Variants in PHF20L1 observed in about 807,000 individuals in gnomAD.
PHF20L1 encodes PHD finger protein 20-like protein 1.
A neutral mutation model predicts 125.5 loss-of-function variants in PHF20L1; 44 were observed. The observed-to-expected ratio is 0.35, with a 90% CI of 0.28 to 0.45. PHF20L1 has a LOEUF of 0.45. Ranked by LOEUF, PHF20L1 falls within the 20% of genes least tolerant of loss-of-function variation. The pLI, the probability that PHF20L1 is intolerant of heterozygous loss-of-function variation, is 1.00. For synonymous variants in PHF20L1, 380 were observed against 403.1 expected (o/e 0.94, Z 0.69); for missense variants, 1,012 against 1,217.2 (o/e 0.83, Z 2.51).
chr8:132,803,835 T>G lies in PHF20L1; in HGVS notation c.524T>G (p.Val175Gly). 6.2e-7 allele frequency: 1 copy of G among 1,601,652 alleles called. No individual in the cohort carries two copies. Reference sequence around the variant, plus strand: ...CCTTTGGAGGATTGGATAGCTTTAGTCAAAGCAGCTGCTGCAGCTGCAGCC... The same window carrying G: ...CCTTTGGAGGATTGGATAGCTTTAGGCAAAGCAGCTGCTGCAGCTGCAGCC... The part of the protein sequence containing the change: ...SMGSEDWIAL[V>G]KAAAAAAAKN... Residue 175 changes from valine to glycine, a missense_variant, in exon 7 of 21, where the codon GTC becomes GGC. Val to Gly is a moderately radical substitution (Grantham distance 109). This residue lies in a region of PHF20L1 where 134 missense variants were observed against 145.9 expected (regional missense o/e 0.92). Transcript: ENST00000395386.
At chr8:132,809,922 C>T (rs989691114) in intron 8 of PHF20L1, 3 of 152,052 alleles carry the variant, frequency 2.0e-5, no homozygotes, top group Admixed American at 1.3e-4. Context: ...TAGACTTCAT[C>T]GAAGGTTACC....
At position 132,779,162 on chromosome 8, in the gene PHF20L1, G is replaced by A. The variant is rs528093468; in HGVS notation, c.83+1251G>A. ...CAGTTTGAAGCTACAATTTGAGATGGGGAGGTTAATCGATACTGTCACTAG... is the reference window on the plus strand; with the variant it reads ...CAGTTTGAAGCTACAATTTGAGATGAGGAGGTTAATCGATACTGTCACTAG... On this transcript the variant is annotated intron_variant, in intron 2 of 20. Transcript: ENST00000395386. Among the ~76,000 whole-genome samples, 7 of 152,268 alleles carry A rather than the reference G, an allele frequency of 4.6e-5. No individual in the cohort carries two copies. The East Asian group carries it at 1.2e-3, about 25-fold the overall frequency.
At chr8:132,825,168 T>C (rs757669742) in intron 13 of PHF20L1, 96 bp from the exon 14 acceptor site, 25 of 1,561,138 alleles carry the variant, frequency 1.6e-5, no homozygotes, top group East Asian at 7.1e-5. Flanking sequence ...GTGACTGGAA[T>C]AGCTGATTAA....
chr8:132,832,248 T>A lies in PHF20L1; in HGVS notation c.1758T>A (p.Tyr586Ter). Residue 586 changes from tyrosine to a stop codon, truncating the protein, a stop_gained, in exon 15 of 21, where the codon TAT becomes TAA. Transcript: ENST00000395386. LOFTEE classifies it high-confidence loss of function. ...CTTATGTTGCAGACTATTCAGACTA[T>A]GAAGACAGTTCCCTCGAATTTTTGG... is the stretch of plus-strand genomic sequence containing the variant. ...KKSKQHDYSDYEDSSLEFLER... is the reference protein window; with the variant it reads ...KKSKQHDYSD The A allele has an allele frequency of 6.3e-7, 1 of 1,588,224 alleles. No homozygotes were observed. The highest frequency in any genetic ancestry group is 8.6e-7 in the Non-Finnish European group (1 of 1,156,918).
At chr8:132,800,675 A>T (rs766029697) in intron 6 of PHF20L1, among the ~76,000 whole-genome samples, 1 of 151,764 alleles carries the variant, frequency 6.6e-6, no homozygotes, top group African/African-American at 2.4e-5. Context: ...ACTTTTGTAT[A>T]TGCAAACCTC....
At chr8:132,843,724 A>G (rs1318898728) in intron 19 of PHF20L1, 3 of 984,814 alleles carry the variant, frequency 3.0e-6, no homozygotes, top group Non-Finnish European at 3.6e-6. Context: ...AGTAAAGTCC[A>G]GTCTGTAGTT....
intron 19 of PHF20L1, 167 bp downstream of exon 19, chr8:132,843,042 G>T: frequency 7.4e-7 from 1 of 1,346,426 alleles, no homozygotes; most frequent in Non-Finnish European, 9.5e-7. Context: ...GAAAACACTG[G>T]CCATTTGAAC....
intron 14 of PHF20L1, among the ~76,000 whole-genome samples, chr8:132,827,803 A>T (rs187746233): frequency 3.6e-4 from 55 of 152,192 alleles, no homozygotes; most frequent in African/African-American, 1.3e-3. Context: ...AGAAAACCTT[A>T]TATATTTGTT....
At chr8:132,786,363 A>G (rs1383716074) in intron 2 of PHF20L1, among the ~76,000 whole-genome samples, 1 of 152,032 alleles carries the variant, frequency 6.6e-6, no homozygotes, top group Admixed American at 6.6e-5. Context: ...TAGTAATTTT[A>G]TGCGTGGAGG....
At chr8:132,781,975 ATTTTC>A (rs1830483765) in intron 2 of PHF20L1, among the ~76,000 whole-genome samples, 1 of 152,086 alleles carries the variant, frequency 6.6e-6, no homozygotes, top group Admixed American at 6.5e-5. Context: ...TTTTAAAAAC[ATTTTC>A]TTTTAACTTT....
chr8:132,780,844 C>CTTT (rs199806400), intron 2 of PHF20L1, among the ~76,000 whole-genome samples: 1 of 129,664 alleles, frequency 7.7e-6, no homozygotes, highest in Non-Finnish European at 1.7e-5. Flanking sequence ...GTTTTTCTTG[C>CTTT]TTTTTTTTTT....
chr8:132,837,684 G>A, intron 16 of PHF20L1, 28 bp from the exon 17 acceptor site: 1 of 1,545,326 alleles, frequency 6.5e-7, no homozygotes, highest in Non-Finnish European at 8.9e-7. Flanking sequence ...AGGATCGGGT[G>A]ACTGTAATAC....
Position 132,783,626 on chromosome 8 carries a change from T to C in PHF20L1, c.83+5715T>C, listed in dbSNP as rs76031960. On this transcript the variant is annotated intron_variant, in intron 2 of 20. Coordinates refer to ENST00000395386, the MANE Select transcript of PHF20L1 (RefSeq NM_016018.5). ...CATTGTAGGAACACCAGGTGAATAC[T>C]TCAAAAATAGAGGTTCTTTTGCTAA... is the stretch of plus-strand genomic sequence containing the variant. Among the ~76,000 whole-genome samples the C allele has an allele frequency of 8.8e-3, 1,336 of 152,246 alleles. 39 individuals are homozygous for C. Among genetic ancestry groups the C allele is most frequent in the East Asian group, 0.087 (449 of 5,186 alleles).
intron 1 of PHF20L1, 117 bp downstream of exon 1, chr8:132,775,762 A>T (rs1354192288): frequency 7.9e-6 from 2 of 253,148 alleles, no homozygotes; most frequent in African/African-American, 2.3e-5. Context: ...CCCTCCCCGT[A>T]ACTCGCCGGC....
intron 2 of PHF20L1, among the ~76,000 whole-genome samples, chr8:132,779,343 A>G (rs185023332): frequency 6.6e-6 from 1 of 152,348 alleles, no homozygotes; most frequent in African/African-American, 2.4e-5. Context: ...TGAGAAACTC[A>G]GCATTAGACC....
chr8:132,788,115 C>T (rs890145443), intron 2 of PHF20L1, among the ~76,000 whole-genome samples: 5 of 152,082 alleles, frequency 3.3e-5, no homozygotes, highest in Admixed American at 2.6e-4. Flanking sequence ...TCCTTTAAAA[C>T]ATAAAGAACT....
At chr8:132,777,949 T>C in intron 2 of PHF20L1, 38 bp downstream of exon 2, 1 of 1,204,932 alleles carries the variant, frequency 8.3e-7, no homozygotes, top group East Asian at 2.3e-5. Context: ...AATATCACAA[T>C]ATCTGTAGCC....
chr8:132,810,085 C>T (rs1226107335), intron 8 of PHF20L1: 3 of 150,464 alleles, frequency 2.0e-5, no homozygotes, highest in Non-Finnish European at 3.0e-5. Flanking sequence ...TGCTCTGCCA[C>T]CTAGGGTGGA....
chr8:132,820,060 C>G (rs1336870862), intron 12 of PHF20L1, among the ~76,000 whole-genome samples: 4 of 151,870 alleles, frequency 2.6e-5, no homozygotes, highest in Non-Finnish European at 2.9e-5. Context: ...AATGAACTTG[C>G]AATAATCTCT....
Sources: allele counts gnomAD v4.1 joint callset (sites outside exome capture counted in the v4.1 genomes callset), GRCh38; gene constraint gnomAD v4.1.1; regional missense constraint gnomAD v4.1.1; transcripts MANE v1.5; gene names NCBI Gene and HGNC (gene_info 2026-07-23, HGNC 2026-07-21).